Variants in GALC observed in about 807,000 individuals in gnomAD.
The protein encoded by GALC is galactosylceramidase, also known as galactocerebrosidase.
GALC carries 77 observed loss-of-function variants against 91.8 expected under a neutral mutation model. The ratio of observed to expected loss-of-function variants is 0.84; its 90% CI spans 0.70 to 1.01. The LOEUF is 1.01. Ranked by LOEUF, GALC falls within the 50% of genes least tolerant of loss-of-function variation. The pLI, the probability that GALC is intolerant of heterozygous loss-of-function variation, is 0.00. For synonymous variants in GALC, 357 were observed against 306.7 expected, an observed-to-expected ratio of 1.16 and a Z score of -1.71; for missense variants, 882 against 855.9, an observed-to-expected ratio of 1.03 and a Z score of -0.38.
rs1884463776 is a variant in GALC, at chr14:87,933,971, T to C, written c.*761A>G. On this transcript the variant is annotated 3_prime_UTR_variant, in exon 17 of 17. Coordinates refer to ENST00000261304, the MANE Select transcript of GALC (RefSeq NM_000153.4). ...GAAACGACTACAACAGCATTGGCTA[T>C]ATCAGGTTTTCTTCCTTCTTCCAGC... 6.5e-7 allele frequency: 1 copy of C among 1,533,194 alleles called. No homozygotes were observed. Among genetic ancestry groups the C allele is most frequent in the Non-Finnish European group, 8.7e-7 (1 of 1,144,706 alleles). The allele number at this position is 1,533,194 out of a possible 1,614,324, so 95.0% of individuals were successfully genotyped here. A position where few individuals can be genotyped will look rare whatever the true frequency, so the allele number is the denominator to read the frequency against.
chr14:87,990,616 T>A (rs1294677242), intron 1 of GALC, among the ~76,000 whole-genome samples: 1 of 152,240 alleles, frequency 6.6e-6, no homozygotes. Flanking sequence ...TAAACAATGC[T>A]TCCTGTCCTA....
At chr14:87,960,193 CAGG>C (rs1885741497) in intron 10 of GALC, among the ~76,000 whole-genome samples, 1 of 143,996 alleles carries the variant, frequency 6.9e-6, no homozygotes, top group Admixed American at 7.2e-5. Context: ...AACTATTGGA[CAGG>C]AGGTGTAAGT....
chr14:87,977,814 T>C (rs114010236), intron 6 of GALC, among the ~76,000 whole-genome samples: 1,740 of 152,308 alleles, frequency 0.011, 29 homozygotes, highest in African/African-American at 0.039. Context: ...TGGTATACTT[T>C]TCAACAGACA....
chr14:87,961,113 T>C (rs1272160250), intron 10 of GALC, among the ~76,000 whole-genome samples: 1 of 152,122 alleles, frequency 6.6e-6, no homozygotes, highest in Non-Finnish European at 1.5e-5. Context: ...TATGACTCAA[T>C]AATAAAAACA....
chr14:87,988,143 C>T lies in GALC; in HGVS notation c.328+1G>A, dbSNP rs779701490. The T allele has an allele frequency of 6.2e-7, 1 of 1,612,744 alleles. No homozygotes were observed. The highest frequency in any genetic ancestry group is 1.7e-5 in the Admixed American group (1 of 60,012). The stretch of plus-strand genomic sequence containing the variant: ...AAATCCTATCTCCCAAATTCTCCTA[C>T]CTGTTGTCTGCCCATCACCACCTAT... On this transcript the variant is annotated splice_donor_variant, in intron 3 of 16. Coordinates refer to ENST00000261304, the MANE Select transcript of GALC (RefSeq NM_000153.4). LOFTEE classifies it high-confidence loss of function.
upstream of GALC, chr14:87,993,428 G>A: frequency 1.3e-6 from 2 of 1,535,882 alleles, no homozygotes; most frequent in East Asian, 2.4e-5. Flanking sequence ...CTTTAACGCA[G>A]GGAAGGTGGA....
chr14:87,987,054 T>C lies in GALC; in HGVS notation c.329-452A>G, dbSNP rs186639022. 3 of 455,354 alleles carry C rather than the reference T, an allele frequency of 6.6e-6. No individual in the cohort carries two copies. The Admixed American group carries it at 7.1e-5, about 11-fold the overall frequency. The allele number at this position is 455,354 out of a possible 1,614,324, so 28.2% of individuals were successfully genotyped here. A position where few individuals can be genotyped will look rare whatever the true frequency, so the allele number is the denominator to read the frequency against. On this transcript the variant is annotated intron_variant, in intron 3 of 16. Transcript: ENST00000261304. ...GAACCCACACCTTTAGCCTATAATATGTCTTGATATAGGAAGAGTTTTGAG... is the reference window on the plus strand; with the variant it reads ...GAACCCACACCTTTAGCCTATAATACGTCTTGATATAGGAAGAGTTTTGAG...
chr14:87,952,661 T>C, intron 10 of GALC: 1 of 1,534,698 alleles, frequency 6.5e-7, no homozygotes, highest in Non-Finnish European at 9.0e-7. Context: ...AGCACAAAAA[T>C]CTTGAAAACT....
chr14:87,987,392 A>C (rs913961881), intron 3 of GALC, among the ~76,000 whole-genome samples: 25 of 152,386 alleles, frequency 1.6e-4, no homozygotes, highest in Admixed American at 5.9e-4. Flanking sequence ...AGGTTTTAAC[A>C]GTAAAACGCA....
At chr14:87,989,746 G>A (rs1338372000) in intron 1 of GALC, 1 of 152,110 alleles carries the variant, frequency 6.6e-6, no homozygotes, top group Non-Finnish European at 1.5e-5. Context: ...TATCTTCCAT[G>A]CTACTTACGA....
rs545714854 is a variant in GALC, at chr14:87,933,823, T to C, written c.*909A>G. On this transcript the variant is annotated 3_prime_UTR_variant, in exon 17 of 17. Transcript: ENST00000261304. ...TAGGAGATGATCCAATTCTGGGAGT[T>C]AGCAAATGTCTAAGTGCTCCCCTCC... The C allele has an allele frequency of 2.9e-5, 17 of 594,896 alleles. No individual in the cohort carries two copies. In the African/African-American group the frequency reaches 3.0e-4, roughly 10 times the overall value. The allele number at this position is 594,896 out of a possible 1,614,324, so 36.9% of individuals were successfully genotyped here.
chr14:87,963,499 T>C lies in GALC; in HGVS notation c.1046A>G (p.Gln349Arg). The change falls in exon 10 of 17, where the codon CAG becomes CGG. Residue 349 changes from glutamine (Q) to arginine (R), a missense_variant. Physicochemically the swap from Gln to Arg is conservative, Grantham distance 43. Transcript: ENST00000261304. ...GTAATACCAGCCAGGTTGAGTAAACTGAGTGGTATGAGCTATAGAAAAACA... is the reference window on the plus strand; with the variant it reads ...GTAATACCAGCCAGGTTGAGTAAACCGAGTGGTATGAGCTATAGAAAAACA... Reference protein sequence around the residue: ...SPVWVSAHTTQFTQPGWYYLK... With the variant: ...SPVWVSAHTTRFTQPGWYYLK... The C allele has an allele frequency of 1.2e-6, 2 of 1,612,528 alleles. No individual in the cohort carries two copies. Among genetic ancestry groups the C allele is most frequent in the Non-Finnish European group, 8.5e-7 (1 of 1,179,008 alleles).
At chr14:87,979,169 C>T (rs1343745516) in intron 6 of GALC, among the ~76,000 whole-genome samples, 2 of 152,058 alleles carry the variant, frequency 1.3e-5, no homozygotes, top group Non-Finnish European at 2.9e-5. Context: ...GGATTACAGG[C>T]GTCTGCCACC....
intron 10 of GALC, 158 bp downstream of exon 10, chr14:87,963,226 C>T (rs987905308): frequency 3.8e-5 from 26 of 681,122 alleles, no homozygotes; most frequent in Admixed American, 1.2e-4. Flanking sequence ...CTATGTTTTA[C>T]GACTCATGGC....
intron 10 of GALC, among the ~76,000 whole-genome samples, chr14:87,957,327 C>G (rs1463900240): frequency 6.6e-6 from 1 of 151,920 alleles, no homozygotes; most frequent in Non-Finnish European, 1.5e-5. Flanking sequence ...AATTATTTGC[C>G]TAGGCCAATG....
chr14:87,933,725 C>A lies in GALC; in HGVS notation c.*1007G>T. The A allele has an allele frequency of 2.2e-6, 1 of 445,138 alleles. No homozygotes were observed. The highest frequency in any genetic ancestry group is 4.0e-6 in the Non-Finnish European group (1 of 250,128). The allele number at this position is 445,138 out of a possible 1,614,324, so 27.6% of individuals were successfully genotyped here. On this transcript the variant is annotated 3_prime_UTR_variant, in exon 17 of 17. Transcript: ENST00000261304. The stretch of plus-strand genomic sequence containing the variant: ...AGCCACATTAATGCTTAGTATAAAT[C>A]ATACAACATGATGAACACGCTCACG...
At chr14:87,939,332 G>A (rs532530036) in intron 16 of GALC, among the ~76,000 whole-genome samples, 35 of 113,282 alleles carry the variant, frequency 3.1e-4, no homozygotes, top group Non-Finnish European at 6.3e-4. Context: ...TATCTTGGGA[G>A]AGACCAACAC....
chr14:87,945,402 C>A (rs1412804672), intron 14 of GALC, 151 bp downstream of exon 14: 2 of 679,818 alleles, frequency 2.9e-6, no homozygotes, highest in Non-Finnish European at 5.2e-6. Context: ...GTGGTCATCA[C>A]CATACTATTC....
At chr14:87,974,347 C>G (rs373095421) in intron 7 of GALC, among the ~76,000 whole-genome samples, 14 of 152,076 alleles carry the variant, frequency 9.2e-5, no homozygotes, top group African/African-American at 3.1e-4. Context: ...TTAAACGAGA[C>G]AAAGAATGGC....
Sources: gnomAD v4.1 joint callset for allele counts (sites outside exome capture counted in the v4.1 genomes callset) on GRCh38, gnomAD v4.1.1 for gene constraint, MANE v1.5 for transcripts, NCBI Gene and HGNC (gene_info 2026-07-23, HGNC 2026-07-21) for gene names.